The following BABAM2 variants were observed in gnomAD, a reference collection of about 807,000 sequenced individuals.
BABAM2 encodes the protein BRISC and BRCA1 A complex member 2, also known as BRISC and BRCA1-A complex member 2.
Under a neutral mutation model 54.7 loss-of-function variants are expected in BABAM2, and 31 were observed. The ratio of observed to expected loss-of-function variants is 0.57; its 90% CI spans 0.43 to 0.77. The LOEUF is 0.77. Ranked by LOEUF, BABAM2 falls within the 30% of genes least tolerant of loss-of-function variation. The probability of loss-of-function intolerance (pLI) is 0.00; values close to 1 mark genes in which losing one functional copy is unlikely to be tolerated. For missense variants in BABAM2, 364 were observed against 455.8 expected, an observed-to-expected ratio of 0.80 and a Z score of 1.83; for synonymous variants, 167 against 162.9, an observed-to-expected ratio of 1.03 and a Z score of -0.19.
intron 7 of BABAM2, among the ~76,000 whole-genome samples, chr2:28,221,388 G>A (rs529575550): frequency 2.0e-5 from 3 of 152,180 alleles, no homozygotes; most frequent in East Asian, 1.9e-4. Flanking sequence ...CACGAAGTAC[G>A]TCGATTTAGT....
chr2:28,105,065 G>A (rs1366474252), intron 6 of BABAM2, among the ~76,000 whole-genome samples: 1 of 152,008 alleles, frequency 6.6e-6, no homozygotes, highest in South Asian at 2.1e-4. Flanking sequence ...GGGAGGGATA[G>A]CATTAGGGGA....
At chr2:28,267,761 A>G (rs1442082385) in intron 10 of BABAM2, among the ~76,000 whole-genome samples, 10 of 152,210 alleles carry the variant, frequency 6.6e-5, no homozygotes. Context: ...TATCTCTCCA[A>G]CACACAGAAT....
chr2:28,125,966 A>G (rs1669486236), intron 6 of BABAM2, among the ~76,000 whole-genome samples: 2 of 152,240 alleles, frequency 1.3e-5, no homozygotes, highest in Admixed American at 6.5e-5. Context: ...AAATGTGTAT[A>G]TGTTTTTATG....
chr2:28,115,101 G>A (rs1007598932), intron 6 of BABAM2, among the ~76,000 whole-genome samples: 1 of 150,868 alleles, frequency 6.6e-6, no homozygotes, highest in Non-Finnish European at 1.5e-5. Flanking sequence ...AATTCATTTT[G>A]TATACAAAAA....
chr2:28,030,420 C>A (rs1353608741), intron 5 of BABAM2, among the ~76,000 whole-genome samples: 1 of 152,106 alleles, frequency 6.6e-6, no homozygotes, highest in Non-Finnish European at 1.5e-5. Context: ...ACTGAGAATC[C>A]TGTAACAAGG....
At chr2:28,139,815 A>G (rs1013648411) in intron 7 of BABAM2, among the ~76,000 whole-genome samples, 1 of 152,092 alleles carries the variant, frequency 6.6e-6, no homozygotes, top group Non-Finnish European at 1.5e-5. Context: ...TTGTGGTTTT[A>G]TATTAAACTT....
chr2:28,198,770 T>G (rs1677917856), intron 7 of BABAM2, among the ~76,000 whole-genome samples: 1 of 152,086 alleles, frequency 6.6e-6, no homozygotes, highest in Non-Finnish European at 1.5e-5. Context: ...AGACCCACTG[T>G]GGTATCAACA....
At chr2:27,898,122 A>G (rs1665488640) in intron 2 of BABAM2, among the ~76,000 whole-genome samples, 1 of 152,206 alleles carries the variant, frequency 6.6e-6, no homozygotes. Flanking sequence ...GTTTTCCCAC[A>G]CTTTCATGTT....
intron 3 of BABAM2, among the ~76,000 whole-genome samples, chr2:27,948,494 G>A (rs1224988789): frequency 6.6e-6 from 1 of 152,198 alleles, no homozygotes. Context: ...GTTAAGGCTG[G>A]GTGTGGTGGC....
chr2:27,970,167 T>C (rs1054533135), intron 3 of BABAM2, among the ~76,000 whole-genome samples: 2 of 152,216 alleles, frequency 1.3e-5, no homozygotes, highest in Non-Finnish European at 2.9e-5. Context: ...TAGAGTTTTA[T>C]TGTCTAATTC....
rs372756124 is a variant in BABAM2, at chr2:27,900,162, G to A, written c.128+5478G>A. The stretch of plus-strand genomic sequence containing the variant: ...CAGTTATGAGTGGTAGGATCTACAT[G>A]TCTAATTTCTATTAACTCGAAGAGG... On this transcript the variant is annotated intron_variant, in intron 2 of 11. Coordinates refer to ENST00000379624, the MANE Select transcript of BABAM2 (RefSeq NM_199191.3). Among the ~76,000 whole-genome samples the A allele has an allele frequency of 4.6e-5, 7 of 152,244 alleles. No homozygotes were observed. In the East Asian group the frequency reaches 9.6e-4, roughly 21 times the overall value.
chr2:28,048,370 AT>A (rs764793227), intron 6 of BABAM2, among the ~76,000 whole-genome samples: 4 of 152,204 alleles, frequency 2.6e-5, no homozygotes, highest in African/African-American at 4.8e-5. Context: ...TATTGTAAAC[AT>A]ATGTGGTTCT....
At chr2:28,256,998 A>G (rs1020487133) in intron 10 of BABAM2, among the ~76,000 whole-genome samples, 2 of 151,986 alleles carry the variant, frequency 1.3e-5, no homozygotes, top group Admixed American at 1.3e-4. Flanking sequence ...CCCGGCCTGG[A>G]CAGGTAAGTA....
At chr2:27,986,031 T>C (rs557825874) in intron 3 of BABAM2, among the ~76,000 whole-genome samples, 2 of 152,236 alleles carry the variant, frequency 1.3e-5, no homozygotes, top group Admixed American at 1.3e-4. Flanking sequence ...TGGTAAGAAC[T>C]GAGCAAGGAG....
At chr2:27,939,212 A>G (rs770510235) in intron 3 of BABAM2, among the ~76,000 whole-genome samples, 1 of 152,148 alleles carries the variant, frequency 6.6e-6, no homozygotes, top group African/African-American at 2.4e-5. Flanking sequence ...CGGCCTCCCA[A>G]AGTGCTAGGA....
chr2:28,044,526 C>T (rs887856614), intron 5 of BABAM2, among the ~76,000 whole-genome samples: 4 of 152,190 alleles, frequency 2.6e-5, no homozygotes, highest in African/African-American at 9.7e-5. Context: ...CCACCATGCC[C>T]GGGCAAGGGC....
intron 2 of BABAM2, among the ~76,000 whole-genome samples, chr2:27,922,794 T>C (rs1018935008): frequency 6.6e-6 from 1 of 152,236 alleles, no homozygotes; most frequent in Non-Finnish European, 1.5e-5. Flanking sequence ...TTTGAAATTA[T>C]ACTTAACCGT....
At chr2:28,038,223 G>C (rs1401179842) in intron 5 of BABAM2, among the ~76,000 whole-genome samples, 2 of 151,924 alleles carry the variant, frequency 1.3e-5, no homozygotes, top group African/African-American at 4.8e-5. Context: ...TTCCTGCCTG[G>C]TGTTATTTAT....
chr2:28,269,714 G>A (rs1332262075), intron 10 of BABAM2, among the ~76,000 whole-genome samples: 1 of 152,146 alleles, frequency 6.6e-6, no homozygotes, highest in Admixed American at 6.5e-5. Flanking sequence ...TACCTTATCT[G>A]TCTTCTTTCA....
Sources: allele counts gnomAD v4.1 joint callset (sites outside exome capture counted in the v4.1 genomes callset), GRCh38; gene constraint gnomAD v4.1.1; transcripts MANE v1.5; gene names NCBI Gene and HGNC (gene_info 2026-07-23, HGNC 2026-07-21).